MGAT4C: variants seen among roughly 807,000 people sequenced by gnomAD.
The protein encoded by MGAT4C is MGAT4 family member C.
A neutral mutation model predicts 40.1 loss-of-function variants in MGAT4C; 19 were observed. The ratio of observed to expected loss-of-function variants is 0.47; its 90% confidence interval spans 0.33 to 0.70. MGAT4C has a LOEUF of 0.70. Ranked by LOEUF, MGAT4C falls within the 30% of genes least tolerant of loss-of-function variation. MGAT4C has a pLI of 0.02. For missense variants in MGAT4C, 491 were observed against 563.2 expected (o/e 0.87, Z 1.30); for synonymous variants, 181 against 187.1 (o/e 0.97, Z 0.27).
At chr12:86,651,315 T>G (rs1479318016) in intron 2 of MGAT4C, among the ~76,000 whole-genome samples, 1 of 151,844 alleles carries the variant, frequency 6.6e-6, no homozygotes, top group Non-Finnish European at 1.5e-5. Context: ...AAAAAAATCA[T>G]TGATATGCCT....
At chr12:86,747,332 T>A (rs1951167053) in intron 1 of MGAT4C, among the ~76,000 whole-genome samples, 1 of 151,644 alleles carries the variant, frequency 6.6e-6, no homozygotes, top group East Asian at 1.9e-4. Context: ...GTGCAGCTTG[T>A]TAGAGAATTT....
chr12:86,728,781 G>A (rs1301813941), intron 1 of MGAT4C, among the ~76,000 whole-genome samples: 1 of 152,152 alleles, frequency 6.6e-6, no homozygotes, highest in Non-Finnish European at 1.5e-5. Flanking sequence ...ATACCAATGT[G>A]TTTTAACATT....
At chr12:86,491,834 C>T (rs376992552) in intron 2 of MGAT4C, among the ~76,000 whole-genome samples, 5 of 151,218 alleles carry the variant, frequency 3.3e-5, no homozygotes, top group South Asian at 2.1e-4. Flanking sequence ...GGTATTCAAT[C>T]AGGAAAAGAG....
chr12:86,729,153 C>T (rs1402753799), intron 1 of MGAT4C, among the ~76,000 whole-genome samples: 1 of 152,074 alleles, frequency 6.6e-6, no homozygotes, highest in Non-Finnish European at 1.5e-5. Context: ...TTTGCTAGCA[C>T]CACAGGGTAA....
At chr12:86,110,283 A>ATATATATATAGAC (rs1877067236) in intron 1 of MGAT4C, among the ~76,000 whole-genome samples, 1 of 17,140 alleles carries the variant, frequency 5.8e-5, no homozygotes, top group African/African-American at 2.2e-4. Context: ...TATATAGTCT[A>ATATATATATAGAC]TATATATATA....
intron 1 of MGAT4C, among the ~76,000 whole-genome samples, chr12:86,148,977 A>C (rs1429821145): frequency 6.6e-6 from 1 of 152,184 alleles, no homozygotes; most frequent in Admixed American, 6.5e-5. Flanking sequence ...TGAAAAGAAA[A>C]TAAAAGTTTA....
At chr12:86,322,911 G>T (rs1954431340) in intron 4 of MGAT4C, among the ~76,000 whole-genome samples, 1 of 151,928 alleles carries the variant, frequency 6.6e-6, no homozygotes, top group African/African-American at 2.4e-5. Flanking sequence ...CAAGTTTATT[G>T]CAGGAAATGC....
chr12:86,077,202 T>A (rs968096314), intron 1 of MGAT4C, among the ~76,000 whole-genome samples: 4 of 152,146 alleles, frequency 2.6e-5, no homozygotes, highest in Admixed American at 6.5e-5. Context: ...CCATCACAAG[T>A]CCACCACTTG....
At chr12:86,486,171 G>T (rs1958015601) in intron 2 of MGAT4C, among the ~76,000 whole-genome samples, 1 of 151,950 alleles carries the variant, frequency 6.6e-6, no homozygotes, top group Admixed American at 6.6e-5. Context: ...CAAAACAACT[G>T]CCAAACAACA....
At chr12:86,547,833 A>T (rs2136392700) in intron 2 of MGAT4C, among the ~76,000 whole-genome samples, 1 of 152,222 alleles carries the variant, frequency 6.6e-6, no homozygotes, top group Admixed American at 6.5e-5. Context: ...TGAAGATGCA[A>T]AATTTCTGGA....
chr12:86,676,812 T>A (rs572974151), intron 2 of MGAT4C, among the ~76,000 whole-genome samples: 2 of 152,232 alleles, frequency 1.3e-5, no homozygotes, highest in East Asian at 3.9e-4. Flanking sequence ...GCAGAGCATA[T>A]AAGTATGGTG....
At chr12:86,237,132 A>C (rs1037656748) in intron 1 of MGAT4C, among the ~76,000 whole-genome samples, 5 of 151,156 alleles carry the variant, frequency 3.3e-5, no homozygotes, top group Admixed American at 6.6e-5. Context: ...GGATATAGAA[A>C]ACACACACAC....
At chr12:86,192,634 A>AC (rs1264409726) in intron 1 of MGAT4C, among the ~76,000 whole-genome samples, 1 of 151,996 alleles carries the variant, frequency 6.6e-6, no homozygotes, top group African/African-American at 2.4e-5. Context: ...GAACCACATG[A>AC]TTTTTTCTAA....
chr12:86,526,374 A>C (rs1467048138), intron 2 of MGAT4C, among the ~76,000 whole-genome samples: 3 of 152,142 alleles, frequency 2.0e-5, no homozygotes, highest in Non-Finnish European at 4.4e-5. Context: ...CTGGTGGAGC[A>C]AGAAAAGCAA....
intron 3 of MGAT4C, among the ~76,000 whole-genome samples, chr12:86,358,305 C>T (rs543114243): frequency 8.5e-4 from 129 of 152,288 alleles, no homozygotes; most frequent in Non-Finnish European, 1.7e-3. Flanking sequence ...CCAGGCCTGC[C>T]TTCCAAGAGG....
intron 2 of MGAT4C, among the ~76,000 whole-genome samples, chr12:86,706,800 T>G (rs1437753697): frequency 6.6e-6 from 1 of 152,194 alleles, no homozygotes; most frequent in Non-Finnish European, 1.5e-5. Flanking sequence ...ACTCTTGATA[T>G]GATTTGGCTG....
chr12:86,289,515 CATTA>C lies in MGAT4C; in HGVS notation c.-57+44546_-57+44549del, dbSNP rs1953448438. On this transcript the variant is annotated intron_variant, in intron 4 of 7. Transcript: ENST00000548651. Reference sequence around the variant, plus strand: ...TTTGGGCCGTATGACCATTTAACAACATTAATTATTTCTATCCATGAACATGGAA... The same window carrying C: ...TTTGGGCCGTATGACCATTTAACAACATTATTTCTATCCATGAACATGGAA... Among the ~76,000 whole-genome samples, 3 of 151,994 alleles carry C rather than the reference CATTA, an allele frequency of 2.0e-5. No individual in the cohort carries two copies. In the South Asian group the frequency reaches 6.2e-4, roughly 32 times the overall value.
chr12:86,434,912 A>G (rs1324278460), intron 3 of MGAT4C, among the ~76,000 whole-genome samples: 1 of 151,912 alleles, frequency 6.6e-6, no homozygotes, highest in Non-Finnish European at 1.5e-5. Flanking sequence ...TTCACTCAAC[A>G]GAAGAGTAGT....
At chr12:86,667,326 C>A (rs1195132420) in intron 2 of MGAT4C, among the ~76,000 whole-genome samples, 1 of 152,124 alleles carries the variant, frequency 6.6e-6, no homozygotes, top group Non-Finnish European at 1.5e-5. Flanking sequence ...GCAGAATTCA[C>A]ACATTAGCCA....
Sources: gnomAD v4.1 joint callset for allele counts (sites outside exome capture counted in the v4.1 genomes callset) on GRCh38, gnomAD v4.1.1 for gene constraint, MANE v1.5 for transcripts, NCBI Gene and HGNC (gene_info 2026-07-23, HGNC 2026-07-21) for gene names.